MYH9: variants seen among roughly 807,000 people sequenced by gnomAD.
MYH9 encodes myosin heavy chain 9.
MYH9 carries 29 observed loss-of-function variants against 241.9 expected under a neutral mutation model. The ratio of observed to expected loss-of-function variants is 0.12; its 90% CI spans 0.09 to 0.16. The LOEUF (loss-of-function observed/expected upper bound fraction) is 0.16, where lower values mean the gene tolerates loss of function less well. Among genes scored for constraint, MYH9 ranks in the 10% least tolerant of loss-of-function variants. MYH9 has a pLI of 1.00. For synonymous variants in MYH9, 1,047 were observed against 1,062.6 expected (o/e 0.99, Z 0.29); for missense variants, 1,803 against 2,595.5 (o/e 0.69, Z 6.63).
chr22:36,367,463 A>T (rs2018028001), intron 1 of MYH9, among the ~76,000 whole-genome samples: 1 of 152,244 alleles, frequency 6.6e-6, no homozygotes, highest in Admixed American at 6.5e-5. Context: ...AGCTTTCCAG[A>T]GAAGCATCCC....
At chr22:36,316,481 G>A (rs2017154432) in intron 12 of MYH9, 36 bp downstream of exon 12, 10 of 1,614,056 alleles carry the variant, frequency 6.2e-6, no homozygotes, top group Non-Finnish European at 8.5e-6. Flanking sequence ...ACAGGCCAAG[G>A]AGGCAGCAGG....
intron 1 of MYH9, among the ~76,000 whole-genome samples, chr22:36,355,230 G>T (rs1356250944): frequency 6.6e-6 from 1 of 152,154 alleles, no homozygotes; most frequent in Non-Finnish European, 1.5e-5. Flanking sequence ...GACACAACCA[G>T]AGGCTAAATT....
chr22:36,294,223 G>C lies in MYH9; in HGVS notation c.3706C>G (p.Leu1236Val). 6.2e-7 allele frequency: 1 copy of C among 1,614,124 alleles called. No homozygotes were observed. Among genetic ancestry groups the C allele is most frequent in the Non-Finnish European group, 8.5e-7 (1 of 1,180,040 alleles). ...RGELANEVKVLLQGKGDSEHK... is the reference protein window; with the variant it reads ...RGELANEVKVVLQGKGDSEHK... ...TCCGAGTCCCCTTTGCCCTGCAGCA[G>C]CACCTTCACCTCGTTGGCCAGCTCC... Residue 1236 changes from leucine (L) to valine (V), a missense_variant, in exon 28 of 41, where the codon CTG becomes GTG. By Grantham distance (32) the Leu-to-Val change is conservative. Coordinates refer to ENST00000216181, the MANE Select transcript of MYH9 (RefSeq NM_002473.6).
chr22:36,381,502 C>G (rs940975101), intron 1 of MYH9, among the ~76,000 whole-genome samples: 1 of 145,886 alleles, frequency 6.9e-6, no homozygotes, highest in Middle Eastern at 3.5e-3. Context: ...GGCAACAGAG[C>G]GAGACTCCAT....
intron 1 of MYH9, among the ~76,000 whole-genome samples, chr22:36,356,612 C>A (rs111949486): frequency 0.014 from 1,924 of 136,720 alleles, 60 homozygotes; most frequent in African/African-American, 0.049. Flanking sequence ...AAAAAAGATT[C>A]TTTGAAAGCA....
intron 12 of MYH9, among the ~76,000 whole-genome samples, chr22:36,316,200 G>A (rs1160848469): frequency 6.6e-6 from 1 of 151,684 alleles, no homozygotes; most frequent in Non-Finnish European, 1.5e-5. Context: ...ACCACGCCCG[G>A]CTAATGTATT....
Position 36,302,675 on chromosome 22 carries a change from C to T in MYH9, c.2392G>A (p.Ala798Thr), listed in dbSNP as rs1481830546. 6 of 1,612,978 alleles carry T rather than the reference C, an allele frequency of 3.7e-6. No homozygotes were observed. Among genetic ancestry groups the T allele is most frequent in the Non-Finnish European group, 5.1e-6 (6 of 1,179,556 alleles). Reference protein sequence around the residue: ...ACCRGYLARKAFAKRQQQLTA... With the variant: ...ACCRGYLARKTFAKRQQQLTA... Reference sequence around the variant, plus strand: ...AGCTGCTGCTGCCGCTTGGCAAATGCTCTGTGTGGTGAGGAACATGGTCAG... The same window carrying T: ...AGCTGCTGCTGCCGCTTGGCAAATGTTCTGTGTGGTGAGGAACATGGTCAG... The change falls in exon 20 of 41, where the codon GCA becomes ACA. Residue 798 changes from alanine (A) to threonine (T), a missense_variant and splice_region_variant. By Grantham distance (58) the Ala-to-Thr change is moderately conservative. This residue lies in a region of MYH9 where 72 missense variants were observed against 83.3 expected (regional missense o/e 0.86). Coordinates refer to ENST00000216181, the MANE Select transcript of MYH9 (RefSeq NM_002473.6).
At chr22:36,352,690 C>CAGAG (rs1262656690) in intron 1 of MYH9, among the ~76,000 whole-genome samples, 1 of 152,246 alleles carries the variant, frequency 6.6e-6, no homozygotes, top group Non-Finnish European at 1.5e-5. Flanking sequence ...TGAAGACTAG[C>CAGAG]AGAGGCCTGG....
At chr22:36,294,906 C>T (rs370466704) in intron 27 of MYH9, 26 bp downstream of exon 27, 31 of 1,609,156 alleles carry the variant, frequency 1.9e-5, no homozygotes, top group African/African-American at 6.7e-5. Context: ...CTGCCCTCCC[C>T]CTGCGGTCTC....
At chr22:36,319,327 T>C (rs1362297974) in intron 10 of MYH9, among the ~76,000 whole-genome samples, 1 of 152,150 alleles carries the variant, frequency 6.6e-6, no homozygotes, top group South Asian at 2.1e-4. Flanking sequence ...CTGGTCCACA[T>C]GATCACAAGT....
chr22:36,336,493 G>A (rs1177997596), intron 3 of MYH9, among the ~76,000 whole-genome samples: 1 of 152,250 alleles, frequency 6.6e-6, no homozygotes, highest in African/African-American at 2.4e-5. Flanking sequence ...CAACGTTTAC[G>A]CTCTCTCACT....
rs73405785 is a variant in MYH9 at position 36,353,081 on chromosome 22, C to T, written c.-19-3826G>A. On this transcript the variant is annotated intron_variant, in intron 1 of 40. Coordinates refer to ENST00000216181, the MANE Select transcript of MYH9 (RefSeq NM_002473.6). The stretch of plus-strand genomic sequence containing the variant: ...CTGCAGCAGAGCTGCTGTTTCCACT[C>T]GTATCCTGTGCCTCTGGGGGCGTGT... Among the ~76,000 whole-genome samples the T allele has an allele frequency of 2.4e-3, 358 of 150,324 alleles. 5 individuals carry two copies. The highest frequency in any genetic ancestry group is 8.6e-3 in the African/African-American group (346 of 40,458).
At chr22:36,315,422 G>C (rs9637334) in intron 12 of MYH9, among the ~76,000 whole-genome samples, 1 of 152,066 alleles carries the variant, frequency 6.6e-6, no homozygotes, top group East Asian at 1.9e-4. Flanking sequence ...TTCCCTACTA[G>C]ACCTCAAAGT....
chr22:36,321,967 C>T (rs1461824941), intron 6 of MYH9, 146 bp from the exon 7 acceptor site: 1 of 760,272 alleles, frequency 1.3e-6, no homozygotes. Flanking sequence ...TGTACCAGGC[C>T]AGGGGCCCCC....
chr22:36,383,894 AG>A (rs1430052118), intron 1 of MYH9, among the ~76,000 whole-genome samples: 2 of 149,482 alleles, frequency 1.3e-5, no homozygotes, highest in African/African-American at 5.0e-5. Context: ...CAGGAGGCGG[AG>A]GTTGCAGTGA....
intron 19 of MYH9, 29 bp from the exon 20 acceptor site, chr22:36,302,705 G>A (rs1405507257): frequency 2.5e-6 from 4 of 1,596,646 alleles, no homozygotes; most frequent in East Asian, 4.5e-5. Flanking sequence ...GGTCAGCGCG[G>A]AGCAGTGGAC....
At position 36,304,105 on chromosome 22, in the gene MYH9, T is replaced by C. The variant is rs549515435; in HGVS notation, c.2280A>G (p.Lys760=). 103 of 1,613,738 alleles carry C rather than the reference T, an allele frequency of 6.4e-5. No individual in the cohort carries two copies. Among genetic ancestry groups the C allele is most frequent in the Middle Eastern group, 4.9e-4 (3 of 6,062 alleles). Residue 760 remains lysine, a synonymous_variant, in exon 19 of 41, where the codon AAA becomes AAG. Transcript: ENST00000216181. ...CCAGCACACCGGCACGGAAGAAGACTTTGCTCTGGCCAATGCGGTACAGAT... is the reference window on the plus strand; with the variant it reads ...CCAGCACACCGGCACGGAAGAAGACCTTGCTCTGGCCAATGCGGTACAGAT... ...DSNLYRIGQS[K]VFFRAGVLAH...
intron 1 of MYH9, among the ~76,000 whole-genome samples, chr22:36,374,194 C>G (rs1274036912): frequency 6.6e-6 from 1 of 152,076 alleles, no homozygotes; most frequent in Non-Finnish European, 1.5e-5. Context: ...ACCAGCCCAG[C>G]CAACATGGCA....
At chr22:36,325,690 C>T (rs564654663) in intron 5 of MYH9, among the ~76,000 whole-genome samples, 6 of 152,270 alleles carry the variant, frequency 3.9e-5, no homozygotes, top group Non-Finnish European at 7.4e-5. Flanking sequence ...CCCCATCCAC[C>T]GTGCCGGGGT....
Sources: gnomAD v4.1 joint callset for allele counts (sites outside exome capture counted in the v4.1 genomes callset) on GRCh38, gnomAD v4.1.1 for gene constraint, gnomAD v4.1.1 regional missense constraint, MANE v1.5 for transcripts, NCBI Gene and HGNC (gene_info 2026-07-23, HGNC 2026-07-21) for gene names.